The following HMMR variants were observed in gnomAD, a reference collection of about 807,000 sequenced individuals.
The protein encoded by HMMR is hyaluronan mediated motility receptor.
HMMR carries 108 observed loss-of-function variants against 101.0 expected under a neutral mutation model. That is an observed-to-expected ratio of 1.07 (90% CI 0.92 to 1.25). The LOEUF (loss-of-function observed/expected upper bound fraction) is 1.25. Among genes scored for constraint, HMMR ranks in the 50% most tolerant of loss-of-function variants. The probability of loss-of-function intolerance (pLI) is 0.00; values close to 1 mark genes in which losing one functional copy is unlikely to be tolerated. For missense variants in HMMR, 813 were observed against 788.7 expected, an observed-to-expected ratio of 1.03 and a Z score of -0.37; for synonymous variants, 296 against 276.4, an observed-to-expected ratio of 1.07 and a Z score of -0.70.
At chr5:163,478,134 C>G (rs1759128793) in intron 11 of HMMR, among the ~76,000 whole-genome samples, 1 of 152,056 alleles carries the variant, frequency 6.6e-6, no homozygotes, top group Non-Finnish European at 1.5e-5. Flanking sequence ...GATTTAATAG[C>G]ATATGTATAT....
chr5:163,483,284 A>C lies in HMMR; in HGVS notation c.1702A>C (p.Asn568His), dbSNP rs984113867. Residue 568 changes from asparagine to histidine, a missense_variant, in exon 15 of 18, where the codon AAT (asparagine) becomes CAT (histidine). Coordinates refer to ENST00000393915, the MANE Select transcript of HMMR (RefSeq NM_001142556.2). ...TCCATGCAGAAAAGCTGAAAAAGAA[A>C]ATACAACAGCAGAATTAACTGAAGA... The part of the protein sequence containing the change: ...DEEGRKAEKE[N>H]TTAELTEEIN... 1 of 1,609,560 alleles carries C rather than the reference A, an allele frequency of 6.2e-7. No individual in the cohort carries two copies. Among genetic ancestry groups the C allele is most frequent in the Non-Finnish European group, 8.5e-7 (1 of 1,176,600 alleles).
chr5:163,474,462 C>G (rs560349057), intron 10 of HMMR: 17 of 480,010 alleles, frequency 3.5e-5, no homozygotes, highest in African/African-American at 3.2e-4. Context: ...TTTTCTGGCT[C>G]ATTCTTGTGT....
At chr5:163,487,075 A>C (rs1327840792) in intron 16 of HMMR, among the ~76,000 whole-genome samples, 1 of 152,162 alleles carries the variant, frequency 6.6e-6, no homozygotes, top group Non-Finnish European at 1.5e-5. Context: ...AAAAACAAAG[A>C]TGTCGATTTG....
Position 163,474,037 on chromosome 5 carries a change from T to C in HMMR, c.905-20T>C. On this transcript the variant is annotated intron_variant, in intron 9 of 17. Coordinates refer to ENST00000393915, the MANE Select transcript of HMMR (RefSeq NM_001142556.2). The stretch of plus-strand genomic sequence containing the variant: ...TGTTCTTATCTAATTCCAGTATTCT[T>C]GATGTTTTGCGTTTTCTAGAAGACC... 6.3e-7 allele frequency: 1 copy of C among 1,596,944 alleles called. No homozygotes were observed. Among genetic ancestry groups the C allele is most frequent in the Non-Finnish European group, 8.5e-7 (1 of 1,169,890 alleles).
chr5:163,482,187 G>T (rs1192654543), intron 12 of HMMR, among the ~76,000 whole-genome samples: 1 of 152,166 alleles, frequency 6.6e-6, no homozygotes, highest in East Asian at 1.9e-4. Context: ...AGAGTGCTGG[G>T]ATTACAGGCA....
At position 163,473,461 on chromosome 5, in the gene HMMR, T is replaced by G. The variant is rs1359243967; in HGVS notation, c.808T>G (p.Leu270Val). ...TTTGAAAGAGAAGAATGATGAAATT[T>G]TAAGCCTTAAGCAGTCTCTTGAGGA... ...ENLKEKNDEI[L>V]SLKQSLEENI... Residue 270 changes from leucine to valine, a missense_variant, in exon 9 of 18, where the codon TTA becomes GTA. By Grantham distance (32) the Leu-to-Val change is conservative. Transcript: ENST00000393915. 6.2e-7 allele frequency: 1 copy of G among 1,605,040 alleles called. No individual in the cohort carries two copies. The highest frequency in any genetic ancestry group is 1.3e-5 in the African/African-American group (1 of 74,674).
At chr5:163,481,065 A>T (rs539454454) in intron 12 of HMMR, among the ~76,000 whole-genome samples, 1 of 151,924 alleles carries the variant, frequency 6.6e-6, no homozygotes, top group Non-Finnish European at 1.5e-5. Context: ...CCATTTTTCC[A>T]CCTAGAACTG....
chr5:163,469,834 C>G lies in HMMR; in HGVS notation c.462+5C>G, dbSNP rs749541771. 1.2e-5 allele frequency: 19 copies of G among 1,556,766 alleles called. No homozygotes were observed. The highest frequency in any genetic ancestry group is 5.7e-5 in the South Asian group (5 of 88,488). On this transcript the variant is annotated splice_donor_5th_base_variant and intron_variant, in intron 5 of 17. Coordinates refer to ENST00000393915, the MANE Select transcript of HMMR (RefSeq NM_001142556.2). Reference sequence around the variant, plus strand: ...AATGAACTACTAAAATCTAAGGTATCTGAGCCTCATGATAATATTTACAAT... The same window carrying G: ...AATGAACTACTAAAATCTAAGGTATGTGAGCCTCATGATAATATTTACAAT...
Position 163,473,237 on chromosome 5 carries a change from T to C in HMMR, c.709T>C (p.Tyr237His). The C allele has an allele frequency of 6.3e-7, 1 of 1,576,468 alleles. No individual in the cohort carries two copies. The highest frequency in any genetic ancestry group is 8.7e-7 in the Non-Finnish European group (1 of 1,148,768). Residue 237 changes from tyrosine to histidine, a missense_variant, in exon 8 of 18, where the codon TAC (tyrosine) becomes CAC (histidine). Physicochemically the swap from Tyr to His is moderately conservative, Grantham distance 83. Coordinates refer to ENST00000393915, the MANE Select transcript of HMMR (RefSeq NM_001142556.2). ...ATCTGAAACAGAAAAACTCTTGGAA[T>C]ACATCGAAGAAATTAGGTAATATGA... ...EKSETEKLLE[Y>H]IEEISCASDQ...
At chr5:163,482,070 C>G (rs772337854) in intron 12 of HMMR, among the ~76,000 whole-genome samples, 10 of 152,148 alleles carry the variant, frequency 6.6e-5, no homozygotes, top group Non-Finnish European at 1.0e-4. Flanking sequence ...TGTCCACCAC[C>G]ACGCTTGGCT....
At chr5:163,471,579 C>T (rs748881821) in intron 7 of HMMR, 116 bp downstream of exon 7, 4 of 645,974 alleles carry the variant, frequency 6.2e-6, no homozygotes, top group African/African-American at 5.5e-5. Context: ...ATCTCATTGC[C>T]TCCCTCCAGT....
rs534172995 is a variant in HMMR at position 163,489,848 on chromosome 5, A to G, written c.1963-542A>G. 6.6e-5 allele frequency among the ~76,000 whole-genome samples: 10 copies of G among 152,250 alleles called. No individual in the cohort carries two copies. In the East Asian group the frequency reaches 1.5e-3, roughly 24 times the overall value. Reference sequence around the variant, plus strand: ...AGCTTCTGACTCGGAGTTGGGGGAAAAGAGGGCCCTGTGCTTTTGGCTGTA... The same window carrying G: ...AGCTTCTGACTCGGAGTTGGGGGAAGAGAGGGCCCTGTGCTTTTGGCTGTA... On this transcript the variant is annotated intron_variant, in intron 16 of 17. Coordinates refer to ENST00000393915, the MANE Select transcript of HMMR (RefSeq NM_001142556.2).
In HMMR at chr5:163,484,345, AT is replaced by A. The variant is rs893390297; in HGVS notation, c.1962+101del. On this transcript the variant is annotated intron_variant, in intron 16 of 17. Coordinates refer to ENST00000393915, the MANE Select transcript of HMMR (RefSeq NM_001142556.2). ...TGAATATCTTTGGTATCAGAAAAAAATAACTGTTTATAGAGGAAAATTGAGC... is the reference window on the plus strand; with the variant it reads ...TGAATATCTTTGGTATCAGAAAAAAAAACTGTTTATAGAGGAAAATTGAGC... The A allele has an allele frequency of 1.9e-5, 12 of 628,748 alleles. No individual in the cohort carries two copies. In the Admixed American group the frequency reaches 3.8e-4, roughly 20 times the overall value. The allele number at this position is 628,748 out of a possible 1,614,324, so 38.9% of individuals were successfully genotyped here. A position where few individuals can be genotyped will look rare whatever the true frequency, so the allele number is the denominator to read the frequency against.
chr5:163,490,803 G>A (rs1313878913), intron 17 of HMMR, among the ~76,000 whole-genome samples: 1 of 152,102 alleles, frequency 6.6e-6, no homozygotes, highest in Non-Finnish European at 1.5e-5. Context: ...TGACTATTTT[G>A]TCCCTGTCCA....
intron 1 of HMMR, 121 bp from the exon 2 acceptor site, chr5:163,463,735 A>G (rs970850927): frequency 4.5e-6 from 2 of 443,192 alleles, no homozygotes; most frequent in Non-Finnish European, 8.1e-6. Context: ...AATTTTTTAC[A>G]TTTAAAAAAA....
chr5:163,482,645 T>C lies in HMMR; in HGVS notation c.1389T>C (p.Tyr463=). The part of the protein sequence containing the change: ...LEDVTAQFES[Y]KALTASEIED... ...ACTTTTTTTTCTTTTTAATAAGCTA[T>C]AAAGCGTTAACAGCCAGTGAGATAG... Residue 463 remains tyrosine, a synonymous_variant, in exon 13 of 18, where the codon TAT becomes TAC. Transcript: ENST00000393915. 6.2e-6 allele frequency: 10 copies of C among 1,607,744 alleles called. No individual in the cohort carries two copies. The highest frequency in any genetic ancestry group is 8.5e-6 in the Non-Finnish European group (10 of 1,175,050).
At chr5:163,487,803 GTTTC>G (rs1368210849) in intron 16 of HMMR, among the ~76,000 whole-genome samples, 1 of 148,498 alleles carries the variant, frequency 6.7e-6, no homozygotes, top group East Asian at 2.0e-4. Context: ...TTTTTTTTAA[GTTTC>G]TTTCTTTTTT....
intron 16 of HMMR, among the ~76,000 whole-genome samples, chr5:163,484,660 T>C (rs957809402): frequency 4.6e-5 from 7 of 152,180 alleles, no homozygotes; most frequent in African/African-American, 1.4e-4. Flanking sequence ...CAGTGTTTTT[T>C]AGTATACTCA....
At chr5:163,470,580 G>A (rs561203203) in intron 5 of HMMR, among the ~76,000 whole-genome samples, 3 of 152,178 alleles carry the variant, frequency 2.0e-5, no homozygotes, top group African/African-American at 7.2e-5. Context: ...GCTTGAACTC[G>A]GGAGGTGGAA....
Sources: gnomAD v4.1 joint callset for allele counts (sites outside exome capture counted in the v4.1 genomes callset) on GRCh38, gnomAD v4.1.1 for gene constraint, MANE v1.5 for transcripts, NCBI Gene and HGNC (gene_info 2026-07-23, HGNC 2026-07-21) for gene names.